The following PGAP1 variants were observed in gnomAD, a reference collection of about 807,000 sequenced individuals.
The protein encoded by PGAP1 is GPI inositol-deacylase.
In PGAP1, 76 loss-of-function variants were observed where a neutral mutation model predicts 127.0. The ratio of observed to expected loss-of-function variants is 0.60; its 90% CI spans 0.50 to 0.72. PGAP1 has a LOEUF of 0.72. Ranked by LOEUF, PGAP1 falls within the 30% of genes least tolerant of loss-of-function variation. PGAP1 has a pLI of 0.00. For synonymous variants in PGAP1, 362 were observed against 366.5 expected, an observed-to-expected ratio of 0.99 and a Z score of 0.14; for missense variants, 982 against 1,071.3, an observed-to-expected ratio of 0.92 and a Z score of 1.16.
In PGAP1 at chr2:196,875,825, A is replaced by T; in HGVS notation, c.1351-4T>A. 1 of 1,376,728 alleles carries T rather than the reference A, an allele frequency of 7.3e-7. No individual in the cohort carries two copies. The highest frequency in any genetic ancestry group is 1.0e-6 in the Non-Finnish European group (1 of 974,100). 85.3% of individuals were successfully genotyped at this position (1,376,728 alleles called of 1,614,324 possible). A position where few individuals can be genotyped will look rare whatever the true frequency, so the allele number is the denominator to read the frequency against. ...AGAATTCACAATCTACAACAAACTG[A>T]AATATAAAACATTGATTTATTAGAA... On this transcript the variant is annotated splice_region_variant and splice_polypyrimidine_tract_variant and intron_variant, in intron 13 of 26. Coordinates refer to ENST00000354764, the MANE Select transcript of PGAP1 (RefSeq NM_024989.4).
At chr2:196,894,953 A>C (rs1230358086) in intron 7 of PGAP1, among the ~76,000 whole-genome samples, 1 of 152,164 alleles carries the variant, frequency 6.6e-6, no homozygotes, top group Non-Finnish European at 1.5e-5. Context: ...CTGCCTTATC[A>C]CCATGCTTAG....
intron 13 of PGAP1, chr2:196,877,474 ACTGT>A (rs1361185016): frequency 6.6e-6 from 1 of 152,118 alleles, no homozygotes; most frequent in Non-Finnish European, 1.5e-5. Context: ...GGCTGCTAAG[ACTGT>A]CTATTTGCAG....
chr2:196,864,709 G>A (rs181071541), intron 20 of PGAP1, among the ~76,000 whole-genome samples: 288 of 152,282 alleles, frequency 1.9e-3, no homozygotes, highest in Middle Eastern at 0.01. Flanking sequence ...AACTATTTGG[G>A]ATTGGTGGTT....
chr2:196,893,380 AACTC>A (rs1190812018), intron 7 of PGAP1, 135 bp from the exon 8 acceptor site: 5 of 400,596 alleles, frequency 1.2e-5, no homozygotes, highest in Non-Finnish European at 2.2e-5. Flanking sequence ...ACTGTACATA[AACTC>A]ACTCAATCAT....
chr2:196,916,505 T>G lies in PGAP1; in HGVS notation c.390A>C (p.Glu130Asp). ...TTCCACCATACAAAGCCACCAGTTC[T>G]TCATTGAAGTTCACACTAAAGAAGT... is the stretch of plus-strand genomic sequence containing the variant. ...HFDFFSVNFN[E>D]ELVALYGGSL... Residue 130 changes from glutamate (E) to aspartate (D), a missense_variant, in exon 3 of 27, where the codon GAA (glutamate) becomes GAC (aspartate). By Grantham distance (45) the Glu-to-Asp change is conservative (BLOSUM62 2). Transcript: ENST00000354764. The G allele has an allele frequency of 6.2e-7, 1 of 1,613,680 alleles. No individual in the cohort carries two copies. The highest frequency in any genetic ancestry group is 8.5e-7 in the Non-Finnish European group (1 of 1,179,784).
chr2:196,926,706 C>G lies in PGAP1; in HGVS notation c.-90G>C. On this transcript the variant is annotated 5_prime_UTR_variant, in exon 1 of 27. Transcript: ENST00000354764. ...AAGCCCGGACTGAGCGTGCTAGACACTGTCCGACCGCCACCCCCGGAGCCG... is the reference window on the plus strand; with the variant it reads ...AAGCCCGGACTGAGCGTGCTAGACAGTGTCCGACCGCCACCCCCGGAGCCG... 6.4e-7 allele frequency: 1 copy of G among 1,550,892 alleles called. No homozygotes were observed. The highest frequency in any genetic ancestry group is 1.2e-5 in the South Asian group (1 of 85,856).
At chr2:196,899,787 A>C (rs1035245957) in intron 5 of PGAP1, among the ~76,000 whole-genome samples, 1 of 152,118 alleles carries the variant, frequency 6.6e-6, no homozygotes, top group Non-Finnish European at 1.5e-5. Context: ...TAATCCCAAC[A>C]CTGTGGGAGG....
chr2:196,889,220 T>C (rs1702019230), intron 10 of PGAP1, among the ~76,000 whole-genome samples: 1 of 152,178 alleles, frequency 6.6e-6, no homozygotes, highest in South Asian at 2.1e-4. Flanking sequence ...AAAGATACTT[T>C]AAGCTTTTAC....
chr2:196,916,365 TA>T (rs978431304), intron 3 of PGAP1, 52 bp downstream of exon 3: 44 of 1,432,144 alleles, frequency 3.1e-5, no homozygotes, highest in Non-Finnish European at 3.9e-5. Flanking sequence ...ATCCCTTTTT[TA>T]AAAAGGTGCC....
intron 2 of PGAP1, 50 bp downstream of exon 2, chr2:196,919,947 T>C (rs752269658): frequency 4.5e-6 from 7 of 1,554,486 alleles, no homozygotes; most frequent in Non-Finnish European, 2.6e-6. Flanking sequence ...TGATTCAAAT[T>C]CTTGAGTTGA....
intron 12 of PGAP1, among the ~76,000 whole-genome samples, chr2:196,883,114 T>A (rs1399964577): frequency 6.6e-6 from 1 of 152,256 alleles, no homozygotes; most frequent in African/African-American, 2.4e-5. Flanking sequence ...GAGATAATGA[T>A]GTGGCTTTTG....
chr2:196,856,706 T>G (rs903903695), intron 20 of PGAP1, among the ~76,000 whole-genome samples: 3 of 152,216 alleles, frequency 2.0e-5, no homozygotes, highest in African/African-American at 4.8e-5. Flanking sequence ...ACTCTTCAGA[T>G]AGCTTTTCCC....
At chr2:196,870,839 T>C in intron 19 of PGAP1, 102 bp downstream of exon 19, 1 of 960,252 alleles carries the variant, frequency 1.0e-6, no homozygotes, top group Non-Finnish European at 1.6e-6. Flanking sequence ...CTGCAAAAAA[T>C]TATTGATTAT....
In PGAP1 at chr2:196,839,520, C is replaced by A. The variant is rs1315173856; in HGVS notation, c.*1714G>T. On this transcript the variant is annotated 3_prime_UTR_variant, in exon 27 of 27. Coordinates refer to ENST00000354764, the MANE Select transcript of PGAP1 (RefSeq NM_024989.4). The stretch of plus-strand genomic sequence containing the variant: ...CAAGCACCTGTCTGCCATATCCCCA[C>A]CACGAGTTTATCATTTCCCTTTAAT... 1.3e-5 allele frequency: 2 copies of A among 152,186 alleles called. No individual in the cohort carries two copies. The highest frequency in any genetic ancestry group is 2.9e-5 in the Non-Finnish European group (2 of 68,028). The allele number at this position is 152,186 out of a possible 1,614,324, so 9.4% of individuals were successfully genotyped here.
At chr2:196,924,065 G>T (rs1703295490) in intron 1 of PGAP1, among the ~76,000 whole-genome samples, 1 of 152,148 alleles carries the variant, frequency 6.6e-6, no homozygotes, top group African/African-American at 2.4e-5. Flanking sequence ...AAGTGAATCT[G>T]GGAAAACCAG....
At chr2:196,896,181 T>C (rs992747329) in intron 7 of PGAP1, among the ~76,000 whole-genome samples, 1 of 152,246 alleles carries the variant, frequency 6.6e-6, no homozygotes, top group Non-Finnish European at 1.5e-5. Flanking sequence ...GTTCTGCTAA[T>C]TGAACAATTT....
At position 196,872,451 on chromosome 2, in the gene PGAP1, C is replaced by G; in HGVS notation, c.1718G>C (p.Cys573Ser). ...AAACATACAACTTACCTCGTACCGA[C>G]AGTCTGATGACGTGTACATTTTAAA... ...ALFKMYTSSD[C>S]RYEVTVKTSF... is the part of the protein sequence containing the mutation. The change falls in exon 18 of 27, where the codon TGT becomes TCT. Residue 573 changes from cysteine (C) to serine (S), a missense_variant. Physicochemically the swap from Cys to Ser is moderately radical, Grantham distance 112. Coordinates refer to ENST00000354764, the MANE Select transcript of PGAP1 (RefSeq NM_024989.4). 6.2e-7 allele frequency: 1 copy of G among 1,601,934 alleles called. No homozygotes were observed. The highest frequency in any genetic ancestry group is 8.6e-7 in the Non-Finnish European group (1 of 1,169,174).
chr2:196,876,133 T>C (rs1701562700), intron 13 of PGAP1, among the ~76,000 whole-genome samples: 1 of 152,128 alleles, frequency 6.6e-6, no homozygotes, highest in Non-Finnish European at 1.5e-5. Flanking sequence ...CAGTAAAGGA[T>C]GGATGAAAGT....
intron 20 of PGAP1, among the ~76,000 whole-genome samples, chr2:196,849,802 G>A (rs1700666311): frequency 6.6e-6 from 1 of 152,098 alleles, no homozygotes; most frequent in Non-Finnish European, 1.5e-5. Context: ...CCCTGCTCCT[G>A]CATCCCTTAA....
Sources: gnomAD v4.1 joint callset for allele counts (sites outside exome capture counted in the v4.1 genomes callset) on GRCh38, gnomAD v4.1.1 for gene constraint, MANE v1.5 for transcripts, NCBI Gene and HGNC (gene_info 2026-07-23, HGNC 2026-07-21) for gene names.